Variants in IP6K2 observed in about 807,000 individuals in gnomAD.
The protein encoded by IP6K2 is inositol hexakisphosphate kinase 2, also known as ATP:1D-myo-inositol-hexakisphosphate phosphotransferase.
A neutral mutation model predicts 43.3 loss-of-function variants in IP6K2; 9 were observed. The observed-to-expected ratio is 0.21, with a 90% CI of 0.13 to 0.36. The LOEUF is 0.36. IP6K2 is among the 10% of genes least tolerant of loss of function. The pLI is 1.00. For missense variants in IP6K2, 332 were observed against 538.4 expected (o/e 0.62, Z 3.79); for synonymous variants, 209 against 202.4 (o/e 1.03, Z -0.28).
chr3:48,703,861 C>T (rs1392821324), intron 1 of IP6K2, among the ~76,000 whole-genome samples: 1 of 151,990 alleles, frequency 6.6e-6, no homozygotes, highest in African/African-American at 2.4e-5. Context: ...GAGGCAGAGG[C>T]GGGCAGATCA....
At chr3:48,693,398 T>C in intron 2 of IP6K2, 1 of 1,224,258 alleles carries the variant, frequency 8.2e-7, no homozygotes. Flanking sequence ...CTGAGAGTCT[T>C]CCTCTCTGAT....
chr3:48,693,189 G>A lies in IP6K2; in HGVS notation c.203-10C>T. 6.2e-7 allele frequency: 1 copy of A among 1,603,090 alleles called. No individual in the cohort carries two copies. Among genetic ancestry groups the A allele is most frequent in the Non-Finnish European group, 8.5e-7 (1 of 1,170,224 alleles). ...CGCACAGATACCACACCTGGAAGGG[G>A]GTGAGGAGCAGAAAGAACTTTTAAT... On this transcript the variant is annotated splice_polypyrimidine_tract_variant and intron_variant, in intron 2 of 5. Coordinates refer to ENST00000328631, the MANE Select transcript of IP6K2 (RefSeq NM_016291.4).
chr3:48,694,448 T>C (rs946753218), intron 2 of IP6K2: 2 of 1,549,234 alleles, frequency 1.3e-6, no homozygotes, highest in South Asian at 1.2e-5. Context: ...ATTTCTTTAA[T>C]GGATTCTTAC....
At chr3:48,691,803 A>AAAATAAATAAAT (rs34837885) in intron 3 of IP6K2, among the ~76,000 whole-genome samples, 48 of 150,520 alleles carry the variant, frequency 3.2e-4, no homozygotes, top group Non-Finnish European at 4.9e-4. Context: ...AAAGACTCAA[A>AAAATAAATAAAT]AAATAAATAA....
rs1371576880 is a variant in IP6K2, at chr3:48,695,016, C to T, written c.202+74G>A. 1 of 1,613,446 alleles carries T rather than the reference C, an allele frequency of 6.2e-7. No individual in the cohort carries two copies. Among genetic ancestry groups the T allele is most frequent in the Non-Finnish European group, 8.5e-7 (1 of 1,179,736 alleles). ...GGAGTGAGGGCTCCAGGGATGGCTG[C>T]CAGGGCCTTCCATGGCCACGATCTC... On this transcript the variant is annotated intron_variant, in intron 2 of 5. Coordinates refer to ENST00000328631, the MANE Select transcript of IP6K2 (RefSeq NM_016291.4). This position sits in a 1 kb window ranked among gnomAD's most constrained non-coding sequence, Gnocchi z 4.6.
rs1443967318 is a variant in IP6K2, at chr3:48,695,518, A to AAG, written c.-130-98_-130-97insCT. ...CTCCTTCAGCAGAAAGACAAAGACA[A>AAG]ACAGTCTGAGTTCTTGCGGGACTCC... On this transcript the variant is annotated intron_variant, in intron 1 of 5. Transcript: ENST00000328631. This position sits in a 1 kb window ranked among gnomAD's most constrained non-coding sequence, Gnocchi z 4.6. The AAG allele has an allele frequency of 7.7e-7, 1 of 1,295,204 alleles. No individual in the cohort carries two copies. The highest frequency in any genetic ancestry group is 2.8e-5 in the East Asian group (1 of 35,902). 80.2% of individuals were successfully genotyped at this position (1,295,204 alleles called of 1,614,324 possible).
intron 2 of IP6K2, chr3:48,693,827 G>A: frequency 9.0e-7 from 1 of 1,110,796 alleles, no homozygotes; most frequent in South Asian, 3.4e-5. Flanking sequence ...ATAACAAAAT[G>A]AACACAAGGC....
At chr3:48,697,807 C>A in intron 1 of IP6K2, among the ~76,000 whole-genome samples, 1 of 151,928 alleles carries the variant, frequency 6.6e-6, no homozygotes, top group Non-Finnish European at 1.5e-5. Context: ...GCCTCCCAAG[C>A]AGCTAGGACT....
At position 48,688,322 on chromosome 3, in the gene IP6K2, T is replaced by C. The variant is rs1334717970; in HGVS notation, c.1232A>G (p.Gln411Arg). Reference protein sequence around the residue: ...GQDAGYIFGLQSLIDIVTEIS... With the variant: ...GQDAGYIFGLRSLIDIVTEIS... ...CTCTGTGACAATGTCTATCAGGCTC[T>C]GGAGCCCGAAGATATAGCCAGCATC... Residue 411 changes from glutamine to arginine, a missense_variant, in exon 6 of 6, where the codon CAG becomes CGG. By Grantham distance (43) the Gln-to-Arg change is conservative. Transcript: ENST00000328631. This position sits in a 1 kb window ranked among gnomAD's most constrained non-coding sequence, Gnocchi z 5.1. 3.1e-6 allele frequency: 5 copies of C among 1,614,098 alleles called. No homozygotes were observed. The highest frequency in any genetic ancestry group is 4.2e-6 in the Non-Finnish European group (5 of 1,180,032).
chr3:48,697,658 T>TA (rs34462230), intron 1 of IP6K2, among the ~76,000 whole-genome samples: 1 of 151,142 alleles, frequency 6.6e-6, no homozygotes, highest in Non-Finnish European at 1.5e-5. Flanking sequence ...AATTTTTTCT[T>TA]AAAAAAATTA....
chr3:48,694,695 T>G, intron 2 of IP6K2: 1 of 1,505,314 alleles, frequency 6.6e-7, no homozygotes, highest in Non-Finnish European at 8.8e-7. Context: ...CCGGCCTACC[T>G]AATTACCCGG....
intron 1 of IP6K2, among the ~76,000 whole-genome samples, chr3:48,710,898 C>T (rs1031660519): frequency 1.1e-4 from 16 of 152,118 alleles, no homozygotes; most frequent in East Asian, 1.9e-4. Flanking sequence ...CGTGAGCCAC[C>T]GCATCTGGCC....
Position 48,688,143 on chromosome 3 carries a change from C to A in IP6K2, c.*130G>T. On this transcript the variant is annotated 3_prime_UTR_variant, in exon 6 of 6. Coordinates refer to ENST00000328631, the MANE Select transcript of IP6K2 (RefSeq NM_016291.4). The surrounding 1 kb of genome is among the most constrained non-coding windows in gnomAD (Gnocchi z 5.1). The stretch of plus-strand genomic sequence containing the variant: ...GCTGGGACTGGCTCAGGCTGGGGCT[C>A]ACAGAGGCCACTGCACATCAGCTCC... 1 of 956,362 alleles carries A rather than the reference C, an allele frequency of 1.0e-6. No individual in the cohort carries two copies. Among genetic ancestry groups the A allele is most frequent in the Non-Finnish European group, 1.6e-6 (1 of 622,778 alleles). The allele number at this position is 956,362 out of a possible 1,614,324, so 59.2% of individuals were successfully genotyped here. A position where few individuals can be genotyped will look rare whatever the true frequency, so the allele number is the denominator to read the frequency against.
chr3:48,704,337 G>A (rs561565618), intron 1 of IP6K2, among the ~76,000 whole-genome samples: 4 of 152,038 alleles, frequency 2.6e-5, no homozygotes, highest in Non-Finnish European at 4.4e-5. Flanking sequence ...GAACACATTC[G>A]CCTCCACATC....
At chr3:48,691,514 T>A in intron 3 of IP6K2, 32 bp from the exon 4 acceptor site, 2 of 1,542,036 alleles carry the variant, frequency 1.3e-6, no homozygotes. Flanking sequence ...TAAATCAGTA[T>A]GTCTTATCAG....
At chr3:48,704,609 C>A (rs764673492) in intron 1 of IP6K2, among the ~76,000 whole-genome samples, 58 of 152,082 alleles carry the variant, frequency 3.8e-4, no homozygotes, top group Middle Eastern at 3.4e-3. Flanking sequence ...GCTGGGACAG[C>A]TATAGGCACA....
chr3:48,705,777 T>C (rs996299150), intron 1 of IP6K2, among the ~76,000 whole-genome samples: 1 of 149,932 alleles, frequency 6.7e-6, no homozygotes, highest in African/African-American at 2.5e-5. Flanking sequence ...CTGAGGTAGG[T>C]GGATCGATTG....
chr3:48,713,882 C>T (rs1263618127), intron 1 of IP6K2, among the ~76,000 whole-genome samples: 3 of 152,088 alleles, frequency 2.0e-5, no homozygotes, highest in South Asian at 2.1e-4. Flanking sequence ...TTTGGGAGGC[C>T]GAGGTGGGTG....
chr3:48,688,948 G>A lies in IP6K2; in HGVS notation c.781-175C>T, dbSNP rs1436788714. On this transcript the variant is annotated intron_variant, in intron 5 of 5. Coordinates refer to ENST00000328631, the MANE Select transcript of IP6K2 (RefSeq NM_016291.4). The surrounding 1 kb of genome is among the most constrained non-coding windows in gnomAD (Gnocchi z 5.1). ...TCTCTGATCAGCCCCCACCTGGGAT[G>A]CAGCCATCCAACCTGGGTTTGGTCA... Among the ~76,000 whole-genome samples, 2 of 152,234 alleles carry A rather than the reference G, an allele frequency of 1.3e-5. No individual in the cohort carries two copies. The highest frequency in any genetic ancestry group is 1.9e-4 in the East Asian group (1 of 5,198).
Sources: allele counts gnomAD v4.1 joint callset (sites outside exome capture counted in the v4.1 genomes callset), GRCh38; gene constraint gnomAD v4.1.1; non-coding constraint Gnocchi (gnomAD v3.1); transcripts MANE v1.5; gene names NCBI Gene and HGNC (gene_info 2026-07-23, HGNC 2026-07-21).